KAZN: variants seen among roughly 807,000 people sequenced by gnomAD.
KAZN encodes kazrin, periplakin interacting protein.
In KAZN, 40 loss-of-function variants were observed where a neutral mutation model predicts 87.4. The ratio of observed to expected loss-of-function variants is 0.46; its 90% CI spans 0.36 to 0.60. The LOEUF is 0.60. Among genes scored for constraint, KAZN ranks in the 20% least tolerant of loss-of-function variants. The probability of loss-of-function intolerance (pLI) is 0.00; values close to 1 mark genes in which losing one functional copy is unlikely to be tolerated. For synonymous variants in KAZN, 466 were observed against 458.3 expected (o/e 1.02, Z -0.22); for missense variants, 898 against 1,073.9 (o/e 0.84, Z 2.29).
At chr1:14,674,252 A>T (rs1022396578) in intron 1 of KAZN, among the ~76,000 whole-genome samples, 1 of 152,224 alleles carries the variant, frequency 6.6e-6, no homozygotes, top group Non-Finnish European at 1.5e-5. Flanking sequence ...TCAACAGCAG[A>T]ACTGAAAGTG....
intron 2 of KAZN, among the ~76,000 whole-genome samples, chr1:14,334,102 A>G (rs1416508915): frequency 6.6e-6 from 1 of 151,916 alleles, no homozygotes; most frequent in Non-Finnish European, 1.5e-5. Context: ...AGGTTGGCTC[A>G]TGCCTGTAAT....
upstream of KAZN, among the ~76,000 whole-genome samples, chr1:14,595,220 G>T (rs149144367): frequency 5.6e-3 from 859 of 152,208 alleles, 5 homozygotes; most frequent in African/African-American, 0.019. Flanking sequence ...CCTTATGGGG[G>T]GGCAGCATCA....
intron 1 of KAZN, among the ~76,000 whole-genome samples, chr1:14,670,936 G>A (rs1185235235): frequency 6.6e-6 from 1 of 152,208 alleles, no homozygotes; most frequent in African/African-American, 2.4e-5. Flanking sequence ...CGGCTGGAGG[G>A]TGGGGAAAAT....
intron 2 of KAZN, 103 bp downstream of exon 2, chr1:14,960,978 TC>T: frequency 8.1e-7 from 1 of 1,227,436 alleles, no homozygotes; most frequent in Non-Finnish European, 1.1e-6. Context: ...CACAGGGGTC[TC>T]CCAGCACCCA....
At chr1:15,054,805 C>A (rs1227401107) in intron 4 of KAZN, among the ~76,000 whole-genome samples, 1 of 152,268 alleles carries the variant, frequency 6.6e-6, no homozygotes, top group Admixed American at 6.5e-5. Flanking sequence ...GTCTCAGACA[C>A]TGGGCAGAGA....
At chr1:14,070,792 A>C (rs1163157901) in intron 1 of KAZN, among the ~76,000 whole-genome samples, 1 of 152,176 alleles carries the variant, frequency 6.6e-6, no homozygotes, top group Non-Finnish European at 1.5e-5. Context: ...CAACAGCTAA[A>C]TGTACCCAAG....
intron 1 of KAZN, among the ~76,000 whole-genome samples, chr1:14,613,793 G>T (rs1010057107): frequency 6.6e-6 from 1 of 152,178 alleles, no homozygotes; most frequent in African/African-American, 2.4e-5. Context: ...TCAGTGCAGT[G>T]CTGAACAATG....
intron 1 of KAZN, among the ~76,000 whole-genome samples, chr1:14,782,910 A>T (rs1645399827): frequency 1.3e-5 from 2 of 152,102 alleles, no homozygotes; most frequent in Admixed American, 1.3e-4. Context: ...TTTTCCTGAC[A>T]GTCCTGCTGA....
intron 1 of KAZN, among the ~76,000 whole-genome samples, chr1:14,938,634 A>G (rs1660725080): frequency 6.6e-6 from 1 of 151,796 alleles, no homozygotes; most frequent in African/African-American, 2.4e-5. Flanking sequence ...ACTCAATAGG[A>G]CGTCAAGCAC....
At chr1:14,752,960 A>G (rs969440402) in intron 1 of KAZN, among the ~76,000 whole-genome samples, 1 of 152,222 alleles carries the variant, frequency 6.6e-6, no homozygotes, top group Non-Finnish European at 1.5e-5. Context: ...GGCATTGAGG[A>G]TGGACCACAA....
In KAZN at chr1:14,787,192, A is replaced by G. The variant is rs569506024; in HGVS notation, c.227-173492A>G. 7.2e-5 allele frequency among the ~76,000 whole-genome samples: 11 copies of G among 152,364 alleles called. No homozygotes were observed. In the East Asian group the frequency reaches 2.1e-3, roughly 29 times the overall value. On this transcript the variant is annotated intron_variant, in intron 1 of 14. Coordinates refer to ENST00000376030, the MANE Select transcript of KAZN (RefSeq NM_201628.3). ...TGGATGTATTAATTATGGCCAATAC[A>G]TGCGTTCACGTATGCATTGCATTTC... is the stretch of plus-strand genomic sequence containing the variant.
chr1:14,439,072 T>C (rs539892749), intron 2 of KAZN, among the ~76,000 whole-genome samples: 1 of 152,254 alleles, frequency 6.6e-6, no homozygotes, highest in East Asian at 1.9e-4. Flanking sequence ...GTCTACTCAG[T>C]GCTCTACTGG....
chr1:14,394,690 C>T (rs1041768194), intron 2 of KAZN, among the ~76,000 whole-genome samples: 1 of 152,228 alleles, frequency 6.6e-6, no homozygotes, highest in African/African-American at 2.4e-5. Flanking sequence ...TTTCCCTCCA[C>T]TGAAGAAGGG....
intron 1 of KAZN, among the ~76,000 whole-genome samples, chr1:13,949,781 C>T (rs1366756934): frequency 2.0e-5 from 3 of 152,178 alleles, no homozygotes; most frequent in Admixed American, 6.5e-5. Context: ...AATCTAAACC[C>T]AGACAGGCAG....
intron 2 of KAZN, among the ~76,000 whole-genome samples, chr1:14,367,433 A>G (rs1660100601): frequency 6.6e-6 from 1 of 151,834 alleles, no homozygotes; most frequent in African/African-American, 2.4e-5. Flanking sequence ...CTTCTCTCTG[A>G]TGGAGCCTGG....
chr1:14,456,865 A>G (rs1213815970), intron 2 of KAZN, among the ~76,000 whole-genome samples: 1 of 152,122 alleles, frequency 6.6e-6, no homozygotes, highest in African/African-American at 2.4e-5. Context: ...GGATCACTTG[A>G]GGTCAAGAGT....
In KAZN at chr1:14,282,518, A is replaced by G. The variant is rs112415585; in HGVS notation, c.249+101926A>G. On this transcript the variant is annotated intron_variant, in intron 2 of 16. Coordinates refer to the KAZN transcript ENST00000636203. Reference sequence around the variant, plus strand: ...CTCTCATTCTGGGGATTCGGGGCCAATGATTCTCGTTACAGAATGCTCTAA... The same window carrying G: ...CTCTCATTCTGGGGATTCGGGGCCAGTGATTCTCGTTACAGAATGCTCTAA... Among the ~76,000 whole-genome samples, 396 of 152,334 alleles carry G rather than the reference A, an allele frequency of 2.6e-3. 4 individuals are homozygous for G. Among genetic ancestry groups the G allele is most frequent in the African/African-American group, 9.1e-3 (379 of 41,580 alleles).
chr1:14,254,074 C>G (rs1296459411), intron 2 of KAZN, among the ~76,000 whole-genome samples: 1 of 151,764 alleles, frequency 6.6e-6, no homozygotes, highest in African/African-American at 2.4e-5. Context: ...ACATAAAAAT[C>G]TGTTCTATCT....
chr1:14,812,873 C>A (rs61772304), intron 1 of KAZN, among the ~76,000 whole-genome samples: 7,502 of 152,170 alleles, frequency 0.049, 296 homozygotes, highest in African/African-American at 0.11. Context: ...CCAAGCGTGG[C>A]TGGCAGAAAA....
Sources: allele counts gnomAD v4.1 joint callset (sites outside exome capture counted in the v4.1 genomes callset), GRCh38; gene constraint gnomAD v4.1.1; transcripts MANE v1.5; gene names NCBI Gene and HGNC (gene_info 2026-07-23, HGNC 2026-07-21).